Variants in CNTN5 observed in about 807,000 individuals in gnomAD.
CNTN5 encodes the protein contactin 5.
CNTN5 carries 77 observed loss-of-function variants against 129.1 expected under a neutral mutation model. The ratio of observed to expected loss-of-function variants is 0.60; its 90% confidence interval spans 0.50 to 0.72. The LOEUF (loss-of-function observed/expected upper bound fraction) is 0.72. Ranked by LOEUF, CNTN5 falls within the 30% of genes least tolerant of loss-of-function variation. CNTN5 has a pLI of 0.00. For missense variants in CNTN5, 1,478 were observed against 1,328.8 expected, an observed-to-expected ratio of 1.11 and a Z score of -1.75; for synonymous variants, 509 against 465.6, an observed-to-expected ratio of 1.09 and a Z score of -1.20.
chr11:99,496,362 G>T (rs1395186389), intron 2 of CNTN5, among the ~76,000 whole-genome samples: 1 of 152,072 alleles, frequency 6.6e-6, no homozygotes. Flanking sequence ...CAGTGAAAAT[G>T]ATTTTTTTAA....
At chr11:99,630,256 ATATATATATATATG>A (rs1451215992) in intron 3 of CNTN5, among the ~76,000 whole-genome samples, 5 of 3,528 alleles carry the variant, frequency 1.4e-3, no homozygotes, top group African/African-American at 1.5e-3. Context: ...ACATATATAT[ATATATATATATATG>A]TATATACACA....
At chr11:99,137,968 G>A (rs1264442837) in intron 1 of CNTN5, among the ~76,000 whole-genome samples, 1 of 152,084 alleles carries the variant, frequency 6.6e-6, no homozygotes. Context: ...CATAAAACTA[G>A]CATTTGTATT....
At chr11:99,705,334 A>G (rs1044726025) in intron 3 of CNTN5, among the ~76,000 whole-genome samples, 1 of 151,258 alleles carries the variant, frequency 6.6e-6, no homozygotes, top group Non-Finnish European at 1.5e-5. Flanking sequence ...AAATTTCTCA[A>G]ATTTTACTCA....
chr11:99,364,953 C>T (rs1023316179), intron 2 of CNTN5, among the ~76,000 whole-genome samples: 12 of 151,994 alleles, frequency 7.9e-5, no homozygotes, highest in African/African-American at 2.7e-4. Flanking sequence ...ATAAGGATGG[C>T]TTTGAAGGGA....
At chr11:99,875,262 A>C (rs1248275351) in intron 6 of CNTN5, among the ~76,000 whole-genome samples, 1 of 152,114 alleles carries the variant, frequency 6.6e-6, no homozygotes, top group East Asian at 1.9e-4. Context: ...CAGAAAAATA[A>C]TACTTCGATC....
At chr11:99,237,316 T>C (rs1330412469) in intron 1 of CNTN5, among the ~76,000 whole-genome samples, 1 of 152,202 alleles carries the variant, frequency 6.6e-6, no homozygotes, top group East Asian at 1.9e-4. Flanking sequence ...ATCCTTTATC[T>C]TGCAGAAAAT....
At chr11:100,351,398 C>A (rs193280260) in intron 24 of CNTN5, among the ~76,000 whole-genome samples, 19 of 151,444 alleles carry the variant, frequency 1.3e-4, no homozygotes, top group Non-Finnish European at 2.4e-4. Flanking sequence ...GTCAAAAGTG[C>A]TTTACATACA....
chr11:99,226,041 G>A (rs1335505620), intron 1 of CNTN5, among the ~76,000 whole-genome samples: 1 of 152,116 alleles, frequency 6.6e-6, no homozygotes, highest in Non-Finnish European at 1.5e-5. Context: ...GTACAAATAA[G>A]TATATTTTAG....
At chr11:100,169,206 G>A (rs749288345) in intron 13 of CNTN5, among the ~76,000 whole-genome samples, 1 of 151,938 alleles carries the variant, frequency 6.6e-6, no homozygotes, top group Non-Finnish European at 1.5e-5. Flanking sequence ...ATAAAACTGT[G>A]GCAGGGTTTG....
chr11:100,212,500 T>C (rs372959346), intron 15 of CNTN5, among the ~76,000 whole-genome samples: 4 of 152,190 alleles, frequency 2.6e-5, no homozygotes, highest in East Asian at 3.9e-4. Flanking sequence ...CAAATTTTTG[T>C]TATTGCATAA....
At chr11:99,846,663 T>A (rs1364490380) in intron 6 of CNTN5, among the ~76,000 whole-genome samples, 1 of 152,126 alleles carries the variant, frequency 6.6e-6, no homozygotes, top group East Asian at 1.9e-4. Flanking sequence ...CCTGGAAGAA[T>A]GTAATAATTG....
intron 3 of CNTN5, among the ~76,000 whole-genome samples, chr11:99,567,279 C>T (rs1591290060): frequency 6.6e-6 from 1 of 152,176 alleles, no homozygotes; most frequent in Non-Finnish European, 1.5e-5. Context: ...CCTAGACCTA[C>T]ATTAATACAT....
intron 3 of CNTN5, among the ~76,000 whole-genome samples, chr11:99,802,279 A>G (rs2212422): frequency 0.16 from 24,161 of 152,140 alleles, 2,048 homozygotes; most frequent in Non-Finnish European, 0.17. Flanking sequence ...ATCCTGGTTT[A>G]TTAGGAGATT....
chr11:100,081,151 A>G (rs912469620), intron 13 of CNTN5, among the ~76,000 whole-genome samples: 4 of 152,070 alleles, frequency 2.6e-5, no homozygotes, highest in African/African-American at 9.6e-5. Flanking sequence ...CTAATTTTTT[A>G]TTAGAAAAAA....
intron 13 of CNTN5, among the ~76,000 whole-genome samples, chr11:100,189,450 A>G (rs10128538): frequency 0.045 from 6,769 of 152,030 alleles, 514 homozygotes; most frequent in African/African-American, 0.16. Flanking sequence ...TGACACATTT[A>G]TTTCTTTAAA....
chr11:100,006,145 C>A (rs1338035393), intron 9 of CNTN5, among the ~76,000 whole-genome samples: 1 of 152,122 alleles, frequency 6.6e-6, no homozygotes, highest in Non-Finnish European at 1.5e-5. Flanking sequence ...ATACATACAA[C>A]AATTTACACA....
intron 3 of CNTN5, among the ~76,000 whole-genome samples, chr11:99,681,934 G>C (rs2134719965): frequency 6.6e-6 from 1 of 152,122 alleles, no homozygotes; most frequent in South Asian, 2.1e-4. Context: ...TAGACTGGCT[G>C]TAGACTTCTC....
At chr11:99,243,490 T>A (rs953096953) in intron 1 of CNTN5, among the ~76,000 whole-genome samples, 6 of 152,064 alleles carry the variant, frequency 3.9e-5, no homozygotes, top group African/African-American at 7.2e-5. Flanking sequence ...TCAATTGTAG[T>A]TTTTGTTGCA....
intron 1 of CNTN5, among the ~76,000 whole-genome samples, chr11:99,280,480 T>G (rs1009058100): frequency 5.3e-5 from 8 of 151,570 alleles, no homozygotes; most frequent in African/African-American, 1.9e-4. Context: ...AGGTACACAT[T>G]CAATGAAAGG....
Sources: allele counts gnomAD v4.1 joint callset (sites outside exome capture counted in the v4.1 genomes callset), GRCh38; gene constraint gnomAD v4.1.1; transcripts MANE v1.5; gene names NCBI Gene and HGNC (gene_info 2026-07-23, HGNC 2026-07-21).